The following FAM149A variants were observed in gnomAD, a reference collection of about 807,000 sequenced individuals.
FAM149A encodes protein FAM149A.
FAM149A carries 71 observed loss-of-function variants against 78.2 expected under a neutral mutation model. The observed-to-expected ratio is 0.91, with a 90% CI of 0.75 to 1.11. FAM149A has a LOEUF of 1.11. FAM149A is among the 50% of genes least tolerant of loss of function. The probability of loss-of-function intolerance (pLI) is 0.00; values close to 1 mark genes in which losing one functional copy is unlikely to be tolerated. For synonymous variants in FAM149A, 446 were observed against 410.5 expected, an observed-to-expected ratio of 1.09 and a Z score of -1.04; for missense variants, 1,036 against 971.0, an observed-to-expected ratio of 1.07 and a Z score of -0.89.
chr4:186,135,095 G>A (rs1239519290), intron 1 of FAM149A, among the ~76,000 whole-genome samples: 1 of 152,188 alleles, frequency 6.6e-6, no homozygotes, highest in East Asian at 1.9e-4. Context: ...ACCGGGGTGG[G>A]GCCCAGCAAC....
chr4:186,175,225 A>C lies in FAM149A; in HGVS notation c.*3238A>C, dbSNP rs553992168. Among the ~76,000 whole-genome samples, 2 of 111,986 alleles carry C rather than the reference A, an allele frequency of 1.8e-5. 1 individual carries two copies. The highest frequency in any genetic ancestry group is 5.5e-4 in the South Asian group (2 of 3,652). The allele number at this position is 111,986 out of a possible 152,430, so 73.5% of individuals were successfully genotyped here. ...TTATATTTTTTATTGTTTTATTATAACTACAGATCATTGTGTAGGATTTTT... is the reference window on the plus strand; with the variant it reads ...TTATATTTTTTATTGTTTTATTATACCTACAGATCATTGTGTAGGATTTTT... On this transcript the variant is annotated 3_prime_UTR_variant, in exon 14 of 14. Coordinates refer to ENST00000389354, the MANE Select transcript of FAM149A (RefSeq NM_001367768.3).
At chr4:186,137,096 T>C (rs35653747) in intron 1 of FAM149A, among the ~76,000 whole-genome samples, 9,715 of 151,790 alleles carry the variant, frequency 0.064, 392 homozygotes, top group Admixed American at 0.091. Context: ...ACATATTTGT[T>C]GTGTTTAAAA....
intron 8 of FAM149A, among the ~76,000 whole-genome samples, chr4:186,160,549 C>A (rs1211906878): frequency 7.3e-5 from 11 of 149,838 alleles, no homozygotes; most frequent in African/African-American, 2.7e-4. Flanking sequence ...ACGCACACCC[C>A]ACACATGCAC....
intron 13 of FAM149A, chr4:186,169,747 G>A (rs975095372): frequency 3.0e-5 from 30 of 985,274 alleles, no homozygotes; most frequent in African/African-American, 1.4e-4. Flanking sequence ...CACTGGGGGC[G>A]TCCAGAGGAG....
Position 186,108,424 on chromosome 4 carries a change from AAC to A in FAM149A, c.566+2784_566+2785del, listed in dbSNP as rs869293586. Reference sequence around the variant, plus strand: ...TCTGTACTTGGCTTTAAAAAAAAAAAACAAAAAACTAAAAGTAGTGAAATTAA... The same window carrying A: ...TCTGTACTTGGCTTTAAAAAAAAAAAAAAAAACTAAAAGTAGTGAAATTAA... On this transcript the variant is annotated intron_variant, in intron 1 of 13. Transcript: ENST00000389354. Among the ~76,000 whole-genome samples, 267 of 147,558 alleles carry A rather than the reference AAC, an allele frequency of 1.8e-3. 1 individual carries two copies. Among genetic ancestry groups the A allele is most frequent in the African/African-American group, 4.6e-3 (190 of 41,324 alleles).
intron 1 of FAM149A, chr4:186,129,951 A>G (rs1219233393): frequency 1.3e-5 from 2 of 152,168 alleles, no homozygotes; most frequent in Non-Finnish European, 2.9e-5. Flanking sequence ...ATTAAAGGCC[A>G]CTCTGTGAGA....
chr4:186,118,793 G>T (rs1437085902), intron 1 of FAM149A, among the ~76,000 whole-genome samples: 1 of 152,164 alleles, frequency 6.6e-6, no homozygotes, highest in African/African-American at 2.4e-5. Context: ...GTCTTTGAGC[G>T]CTGCGGTCAT....
intron 3 of FAM149A, among the ~76,000 whole-genome samples, chr4:186,150,359 TTTG>T (rs564673932): frequency 6.8e-6 from 1 of 147,792 alleles, no homozygotes; most frequent in Non-Finnish European, 1.5e-5. Flanking sequence ...TGCTGGGTGT[TTTG>T]TTGTTGTTGT....
chr4:186,130,293 C>CTCTCTCTCTCTCTA lies in FAM149A; in HGVS notation c.567-18879_567-18878insCTCTCTCTCTCTAT. 3.1e-3 allele frequency: 143 copies of CTCTCTCTCTCTCTA among 46,562 alleles called. 1 individual carries two copies. Among genetic ancestry groups the CTCTCTCTCTCTCTA allele is most frequent in the Admixed American group, 4.5e-3 (18 of 4,024 alleles). 2.9% of individuals were successfully genotyped at this position (46,562 alleles called of 1,614,324 possible). On this transcript the variant is annotated intron_variant, in intron 1 of 13. Coordinates refer to ENST00000389354, the MANE Select transcript of FAM149A (RefSeq NM_001367768.3). ...TCTCTCTCTCTCTCTCTCTCTCTCT[C>CTCTCTCTCTCTCTA]TATATATATATATATATATATAATC...
At chr4:186,120,573 C>T (rs1335046561) in intron 1 of FAM149A, among the ~76,000 whole-genome samples, 1 of 151,818 alleles carries the variant, frequency 6.6e-6, no homozygotes, top group Non-Finnish European at 1.5e-5. Flanking sequence ...GCAGGTGGAT[C>T]ACGAGATTAG....
Position 186,172,005 on chromosome 4 carries a change from C to T in FAM149A, c.*18C>T. 6.2e-7 allele frequency: 1 copy of T among 1,608,474 alleles called. No homozygotes were observed. The highest frequency in any genetic ancestry group is 1.1e-5 in the South Asian group (1 of 89,982). ...CATCTTGAAACCACCTCACCAGAAC[C>T]ATTGGAGCACCTGTGGCCTCGGCAC... On this transcript the variant is annotated 3_prime_UTR_variant, in exon 14 of 14. Transcript: ENST00000389354.
chr4:186,139,409 C>T (rs779046735), intron 1 of FAM149A, among the ~76,000 whole-genome samples: 43 of 152,068 alleles, frequency 2.8e-4, no homozygotes, highest in Non-Finnish European at 4.9e-4. Flanking sequence ...CTTTAGGAGG[C>T]GATTAGGTCA....
At chr4:186,128,125 T>TGGTGACAG in intron 1 of FAM149A, among the ~76,000 whole-genome samples, 1 of 151,330 alleles carries the variant, frequency 6.6e-6, no homozygotes, top group East Asian at 2.0e-4. Context: ...CGAGTAGTTG[T>TGGTGACAG]GGTGACAGGT....
At position 186,104,800 on chromosome 4, in the gene FAM149A, G is replaced by A. The variant is rs1017647217; in HGVS notation, c.-277G>A. ...GGCGGGCGGCGGCCGCGCTTCCCGG[G>A]GCTCCTGGCCCTTCGGCCCTCGGGG... On this transcript the variant is annotated 5_prime_UTR_variant, in exon 1 of 14. Coordinates refer to ENST00000389354, the MANE Select transcript of FAM149A (RefSeq NM_001367768.3). 1.3e-5 allele frequency among the ~76,000 whole-genome samples: 2 copies of A among 150,882 alleles called. 1 individual carries two copies. The highest frequency in any genetic ancestry group is 4.9e-5 in the African/African-American group (2 of 40,674).
chr4:186,166,903 G>T (rs879301734), intron 11 of FAM149A, 65 bp from the exon 12 acceptor site: 23 of 1,525,824 alleles, frequency 1.5e-5, no homozygotes, highest in African/African-American at 2.7e-5. Flanking sequence ...AGCATGTCGA[G>T]ATTTTCTTTT....
intron 8 of FAM149A, among the ~76,000 whole-genome samples, chr4:186,159,775 A>T (rs977404777): frequency 6.6e-6 from 1 of 152,034 alleles, no homozygotes; most frequent in Non-Finnish European, 1.5e-5. Flanking sequence ...TGTTCACGCG[A>T]GGCCTGTAGT....
chr4:186,145,543 T>C (rs1732971863), intron 1 of FAM149A, among the ~76,000 whole-genome samples: 1 of 152,212 alleles, frequency 6.6e-6, no homozygotes, highest in African/African-American at 2.4e-5. Flanking sequence ...TGGCAGAGGT[T>C]TGTGGGCTGT....
In FAM149A at chr4:186,157,688, T is replaced by C. The variant is rs911519285; in HGVS notation, c.1544T>C (p.Ile515Thr). ...TCCGGACACGCCGAGGCTCACGGCA[T>C]CTCCCTGGCTTCTCGTCTGAACCCG... Residue 515 changes from isoleucine (I) to threonine (T), a missense_variant, in exon 8 of 14, where the codon ATC (isoleucine) becomes ACC (threonine). By Grantham distance (89) the Ile-to-Thr change is moderately conservative (BLOSUM62 -1). Transcript: ENST00000389354. 6.2e-7 allele frequency: 1 copy of C among 1,613,216 alleles called. No homozygotes were observed.
intron 13 of FAM149A, chr4:186,169,762 A>G (rs761084936): frequency 2.0e-5 from 20 of 985,330 alleles, no homozygotes; most frequent in Non-Finnish European, 2.2e-5. Context: ...GAGGAGTTAC[A>G]TTAACACGTG....
Sources: allele counts gnomAD v4.1 joint callset (sites outside exome capture counted in the v4.1 genomes callset), GRCh38; gene constraint gnomAD v4.1.1; transcripts MANE v1.5; gene names NCBI Gene and HGNC (gene_info 2026-07-23, HGNC 2026-07-21).